CTNNA3: variants seen among roughly 807,000 people sequenced by gnomAD.
The protein encoded by CTNNA3 is catenin alpha 3.
Under a neutral mutation model 95.7 loss-of-function variants are expected in CTNNA3, and 76 were observed. The observed-to-expected ratio is 0.79, with a 90% CI of 0.66 to 0.96. The LOEUF is 0.96. CTNNA3 is among the 40% of genes least tolerant of loss of function. The pLI is 0.00. For missense variants in CTNNA3, 1,191 were observed against 1,089.8 expected (o/e 1.09, Z -1.31); for synonymous variants, 431 against 374.4 (o/e 1.15, Z -1.74).
At chr10:67,695,473 C>G (rs1840946602) in intron 1 of CTNNA3, among the ~76,000 whole-genome samples, 1 of 152,192 alleles carries the variant, frequency 6.6e-6, no homozygotes, top group South Asian at 2.1e-4. Context: ...TCAAACAGTT[C>G]TGAGAGCATT....
intron 5 of CTNNA3, among the ~76,000 whole-genome samples, chr10:67,336,235 A>G (rs1279389134): frequency 6.6e-6 from 1 of 152,168 alleles, no homozygotes; most frequent in Non-Finnish European, 1.5e-5. Flanking sequence ...AGGCCAATTA[A>G]TAATCCTAAA....
chr10:67,183,111 C>G (rs941601595), intron 6 of CTNNA3, among the ~76,000 whole-genome samples: 1 of 152,136 alleles, frequency 6.6e-6, no homozygotes, highest in Non-Finnish European at 1.5e-5. Flanking sequence ...CTAGTTCAAC[C>G]ATCATGGAAG....
At chr10:67,509,786 G>A (rs1839550125) in intron 5 of CTNNA3, among the ~76,000 whole-genome samples, 2 of 152,162 alleles carry the variant, frequency 1.3e-5, no homozygotes, top group African/African-American at 4.8e-5. Context: ...CACAATGGTT[G>A]AAGTAATTTA....
chr10:66,657,563 G>A (rs1262697644), intron 9 of CTNNA3, among the ~76,000 whole-genome samples: 3 of 152,060 alleles, frequency 2.0e-5, no homozygotes, highest in Non-Finnish European at 2.9e-5. Flanking sequence ...TCCTTGATTT[G>A]TCTTCTTCAA....
At chr10:65,936,446 C>T (rs2133162369) in intron 17 of CTNNA3, among the ~76,000 whole-genome samples, 1 of 151,994 alleles carries the variant, frequency 6.6e-6, no homozygotes, top group South Asian at 2.1e-4. Context: ...TCTTGAAGTC[C>T]CTATTACTCT....
At chr10:67,065,056 T>C (rs1855992699) in intron 7 of CTNNA3, among the ~76,000 whole-genome samples, 1 of 152,102 alleles carries the variant, frequency 6.6e-6, no homozygotes, top group African/African-American at 2.4e-5. Flanking sequence ...CCATAAAGCC[T>C]CAGTAGACAT....
intron 10 of CTNNA3, among the ~76,000 whole-genome samples, chr10:66,566,992 G>A (rs1344242213): frequency 5.7e-5 from 1 of 17,682 alleles, no homozygotes; most frequent in Non-Finnish European, 1.2e-4. Context: ...GGATGGTAGG[G>A]GGAGGGGGAG....
chr10:66,291,820 T>C (rs978327080), intron 12 of CTNNA3, among the ~76,000 whole-genome samples: 11 of 151,656 alleles, frequency 7.3e-5, no homozygotes, highest in African/African-American at 1.9e-4. Context: ...CACCAAATTA[T>C]ATGTGTGAAC....
At chr10:66,269,455 T>A (rs2091230403) in intron 13 of CTNNA3, among the ~76,000 whole-genome samples, 1 of 152,190 alleles carries the variant, frequency 6.6e-6, no homozygotes, top group Non-Finnish European at 1.5e-5. Context: ...AATTTTATAT[T>A]TTTTAGTAAA....
intron 17 of CTNNA3, among the ~76,000 whole-genome samples, chr10:65,950,639 AT>A (rs1431929199): frequency 1.3e-5 from 2 of 152,230 alleles, no homozygotes; most frequent in East Asian, 3.8e-4. Context: ...AAGAGAAATA[AT>A]TAATCTCCTC....
chr10:66,902,079 T>C (rs533442040), intron 7 of CTNNA3, among the ~76,000 whole-genome samples: 3 of 152,302 alleles, frequency 2.0e-5, no homozygotes, highest in African/African-American at 4.8e-5. Flanking sequence ...ACAATATACA[T>C]TCTTCTCAGC....
At chr10:66,859,316 C>T (rs1480232560) in intron 7 of CTNNA3, among the ~76,000 whole-genome samples, 2 of 151,540 alleles carry the variant, frequency 1.3e-5, no homozygotes, top group African/African-American at 4.9e-5. Context: ...AACAAATTTA[C>T]AAGAAAAAAA....
intron 1 of CTNNA3, among the ~76,000 whole-genome samples, chr10:67,673,337 T>C (rs1321544281): frequency 4.8e-5 from 7 of 146,024 alleles, no homozygotes; most frequent in South Asian, 2.3e-4. Context: ...CTTTTCCTAA[T>C]TGAATACCCT....
intron 17 of CTNNA3, among the ~76,000 whole-genome samples, chr10:65,961,709 A>G (rs967129688): frequency 6.6e-6 from 1 of 151,944 alleles, no homozygotes; most frequent in African/African-American, 2.4e-5. Context: ...TTTGTAGCAT[A>G]CCTTGCAGTG....
intron 14 of CTNNA3, chr10:66,098,533 A>C (rs1170710411): frequency 6.6e-6 from 1 of 152,198 alleles, no homozygotes; most frequent in African/African-American, 2.4e-5. Flanking sequence ...TTAAATAGAA[A>C]ATATGATTTA....
chr10:67,489,929 T>A (rs564467514), intron 5 of CTNNA3, among the ~76,000 whole-genome samples: 60 of 152,206 alleles, frequency 3.9e-4, no homozygotes, highest in African/African-American at 1.3e-3. Context: ...TTAAGTGAGA[T>A]CATGTAATAT....
chr10:66,078,166 C>T (rs980217266), intron 14 of CTNNA3, among the ~76,000 whole-genome samples: 3 of 151,860 alleles, frequency 2.0e-5, no homozygotes, highest in African/African-American at 7.2e-5. Flanking sequence ...TCTTTCCTCT[C>T]TATGTCTACA....
At chr10:67,317,617 G>A (rs965274300) in intron 5 of CTNNA3, among the ~76,000 whole-genome samples, 1 of 152,080 alleles carries the variant, frequency 6.6e-6, no homozygotes, top group Non-Finnish European at 1.5e-5. Flanking sequence ...AGTAGAGACA[G>A]GGTTTCACCA....
intron 3 of CTNNA3, among the ~76,000 whole-genome samples, chr10:67,557,633 T>G (rs1435711382): frequency 6.6e-6 from 1 of 152,210 alleles, no homozygotes; most frequent in Admixed American, 6.5e-5. Flanking sequence ...GGCATATGTA[T>G]CTGAAAGGGA....
Sources: allele counts gnomAD v4.1 joint callset (sites outside exome capture counted in the v4.1 genomes callset), GRCh38; gene constraint gnomAD v4.1.1; transcripts MANE v1.5; gene names NCBI Gene and HGNC (gene_info 2026-07-23, HGNC 2026-07-21).